The following PPP2R3B variants were observed in gnomAD, a reference collection of about 807,000 sequenced individuals.
The protein encoded by PPP2R3B is protein phosphatase 2 regulatory subunit B''beta.
PPP2R3B carries 68 observed loss-of-function variants against 72.9 expected under a neutral mutation model. The ratio of observed to expected loss-of-function variants is 0.93; its 90% CI spans 0.77 to 1.14. PPP2R3B has a LOEUF of 1.14. Ranked by LOEUF, PPP2R3B falls within the 50% of genes most tolerant of loss-of-function variation. The pLI, the probability that PPP2R3B is intolerant of heterozygous loss-of-function variation, is 0.00. For missense variants in PPP2R3B, 1,018 were observed against 842.0 expected (o/e 1.21, Z -2.59); for synonymous variants, 466 against 375.8 (o/e 1.24, Z -2.78).
chrX:383,770 G>A (rs1375577224), intron 1 of PPP2R3B, among the ~76,000 whole-genome samples: 2 of 145,420 alleles, frequency 1.4e-5, no homozygotes, highest in African/African-American at 2.5e-5. Flanking sequence ...CCCGGGAGGC[G>A]GAGCTTGCAG....
chrX:350,574 T>G (rs751044464), intron 2 of PPP2R3B, among the ~76,000 whole-genome samples: 1 of 152,124 alleles, frequency 6.6e-6, no homozygotes, highest in Non-Finnish European at 1.5e-5. Flanking sequence ...CGGAGAGGGG[T>G]GCACGGTGGC....
intron 2 of PPP2R3B, among the ~76,000 whole-genome samples, chrX:350,260 G>C (rs940854078): frequency 6.6e-6 from 1 of 152,190 alleles, no homozygotes; most frequent in East Asian, 1.9e-4. Context: ...ATCCCAGCCC[G>C]AAGGGTGAAA....
At chrX:345,165 G>C (rs963082429) in intron 7 of PPP2R3B, 1 of 540,796 alleles carries the variant, frequency 1.8e-6, no homozygotes, top group African/African-American at 1.9e-5. Context: ...GGAACCTGGA[G>C]CTCCTGAGGG....
chrX:363,904 G>C (rs954654231), intron 1 of PPP2R3B, among the ~76,000 whole-genome samples: 11 of 152,254 alleles, frequency 7.2e-5, no homozygotes, highest in African/African-American at 2.7e-4. Flanking sequence ...GCAATGACCT[G>C]GGTACACAAA....
chrX:356,370 C>T (rs1409249070), intron 2 of PPP2R3B, among the ~76,000 whole-genome samples: 1 of 152,152 alleles, frequency 6.6e-6, no homozygotes, highest in Non-Finnish European at 1.5e-5. Context: ...TGCCCGCCAC[C>T]ATACCTGGCT....
At chrX:341,489 G>GCGC in intron 8 of PPP2R3B, 93 bp from the exon 9 acceptor site, 2 of 1,259,602 alleles carry the variant, frequency 1.6e-6, no homozygotes, top group Non-Finnish European at 2.3e-6. Context: ...GGTGAGGGGA[G>GCGC]CCCCCCGGGC....
chrX:369,575 G>A (rs192152797), intron 1 of PPP2R3B, among the ~76,000 whole-genome samples: 10 of 152,338 alleles, frequency 6.6e-5, no homozygotes, highest in South Asian at 4.1e-4. Context: ...AAGTGCGTGC[G>A]CTTGATGGGT....
rs764898415 is a variant in PPP2R3B at position 346,868 on chromosome X, A to G, written c.718-93T>C. ...CGCTGCAGACGCGGACCCTCCCGTG[A>G]GCGATGAGGTGTGCGGTGTAGACGC... On this transcript the variant is annotated intron_variant, in intron 4 of 12. Transcript: ENST00000390665. The G allele has an allele frequency of 8.3e-6, 10 of 1,208,576 alleles. No individual in the cohort carries two copies. In the East Asian group the frequency reaches 2.6e-4, roughly 31 times the overall value. The allele number at this position is 1,208,576 out of a possible 1,614,324, so 74.9% of individuals were successfully genotyped here. A position where few individuals can be genotyped will look rare whatever the true frequency, so the allele number is the denominator to read the frequency against.
chrX:350,314 ACGGCT>A (rs2071302528), intron 2 of PPP2R3B, among the ~76,000 whole-genome samples: 1 of 152,186 alleles, frequency 6.6e-6, no homozygotes, highest in Non-Finnish European at 1.5e-5. Flanking sequence ...GGGACGCTGC[ACGGCT>A]CTGCCGCGGC....
chrX:367,915 T>A (rs1250337794), intron 1 of PPP2R3B, among the ~76,000 whole-genome samples: 1 of 152,106 alleles, frequency 6.6e-6, no homozygotes, highest in Admixed American at 6.5e-5. Context: ...TTAACATCCA[T>A]GAAGTGACAC....
intron 1 of PPP2R3B, among the ~76,000 whole-genome samples, chrX:384,059 G>T (rs2072188473): frequency 6.6e-6 from 1 of 151,744 alleles, no homozygotes; most frequent in Non-Finnish European, 1.5e-5. Context: ...TGAGGGTTAA[G>T]TCACACACCG....
intron 1 of PPP2R3B, among the ~76,000 whole-genome samples, chrX:379,687 C>T (rs1013888826): frequency 1.3e-5 from 2 of 152,218 alleles, no homozygotes; most frequent in Non-Finnish European, 2.9e-5. Flanking sequence ...AAGTACACAA[C>T]GTTGCTGAAC....
In PPP2R3B at chrX:346,267, G is replaced by C; in HGVS notation, c.793-7C>G. 1 of 1,561,878 alleles carries C rather than the reference G, an allele frequency of 6.4e-7. No homozygotes were observed. The highest frequency in any genetic ancestry group is 8.7e-7 in the Non-Finnish European group (1 of 1,154,958). ...AGAAGATCCGCTGGATGACCTGCGGGGGCGCTGTCAGTGCGGTGGGTGCGC... is the reference window on the plus strand; with the variant it reads ...AGAAGATCCGCTGGATGACCTGCGGCGGCGCTGTCAGTGCGGTGGGTGCGC... On this transcript the variant is annotated splice_polypyrimidine_tract_variant and splice_region_variant and intron_variant, in intron 5 of 12. Coordinates refer to ENST00000390665, the MANE Select transcript of PPP2R3B (RefSeq NM_013239.5).
chrX:334,320 G>A lies in PPP2R3B; in HGVS notation c.*47C>T, dbSNP rs764187275. Reference sequence around the variant, plus strand: ...TTTACACGAGCCGCGGTGGCCCGGTGGTGGCACGTGGGGAGCGGCCCCGCG... The same window carrying A: ...TTTACACGAGCCGCGGTGGCCCGGTAGTGGCACGTGGGGAGCGGCCCCGCG... On this transcript the variant is annotated 3_prime_UTR_variant, in exon 13 of 13. Coordinates refer to ENST00000390665, the MANE Select transcript of PPP2R3B (RefSeq NM_013239.5). 7.0e-7 allele frequency: 1 copy of A among 1,436,730 alleles called. No individual in the cohort carries two copies. Among genetic ancestry groups the A allele is most frequent in the South Asian group, 1.5e-5 (1 of 68,336 alleles). 89.0% of individuals were successfully genotyped at this position (1,436,730 alleles called of 1,614,324 possible).
intron 1 of PPP2R3B, among the ~76,000 whole-genome samples, chrX:380,551 TG>T (rs1396596427): frequency 6.6e-6 from 1 of 152,092 alleles, no homozygotes; most frequent in Non-Finnish European, 1.5e-5. Flanking sequence ...TCTGGGAGGC[TG>T]GGGCGGGTGG....
At chrX:370,608 G>C (rs1421644803) in intron 1 of PPP2R3B, among the ~76,000 whole-genome samples, 2 of 152,192 alleles carry the variant, frequency 1.3e-5, no homozygotes, top group Non-Finnish European at 2.9e-5. Context: ...TCCCACCCGG[G>C]CTTCTGTTTC....
intron 2 of PPP2R3B, among the ~76,000 whole-genome samples, chrX:351,477 T>C (rs2071331596): frequency 6.6e-6 from 1 of 152,220 alleles, no homozygotes; most frequent in Non-Finnish European, 1.5e-5. Context: ...GTGCAGGATA[T>C]AGCGTCTCAT....
At chrX:385,878 C>T (rs1236986204) in intron 1 of PPP2R3B, among the ~76,000 whole-genome samples, 7 of 152,042 alleles carry the variant, frequency 4.6e-5, no homozygotes, top group African/African-American at 1.7e-4. Context: ...GTCAGGAGTT[C>T]GAGACCAGCC....
At chrX:342,149 G>A in intron 7 of PPP2R3B, 2 of 625,318 alleles carry the variant, frequency 3.2e-6, no homozygotes, top group South Asian at 1.9e-5. Flanking sequence ...AATCCACAGA[G>A]CGCAAAGCTG....
Sources: allele counts gnomAD v4.1 joint callset (sites outside exome capture counted in the v4.1 genomes callset), GRCh38; gene constraint gnomAD v4.1.1; transcripts MANE v1.5; gene names NCBI Gene and HGNC (gene_info 2026-07-23, HGNC 2026-07-21).